The following NEK6 variants were observed in gnomAD, a reference collection of about 807,000 sequenced individuals.
The protein encoded by NEK6 is serine/threonine-protein kinase Nek6.
A neutral mutation model predicts 43.5 loss-of-function variants in NEK6; 27 were observed. The ratio of observed to expected loss-of-function variants is 0.62; its 90% CI spans 0.46 to 0.86. The LOEUF (loss-of-function observed/expected upper bound fraction) is 0.86. Among genes scored for constraint, NEK6 ranks in the 40% least tolerant of loss-of-function variants. NEK6 has a pLI of 0.00. For missense variants in NEK6, 318 were observed against 414.4 expected, an observed-to-expected ratio of 0.77 and a Z score of 2.02; for synonymous variants, 167 against 164.1, an observed-to-expected ratio of 1.02 and a Z score of -0.14.
intron 8 of NEK6, among the ~76,000 whole-genome samples, chr9:124,339,955 C>T (rs1829508571): frequency 6.6e-6 from 1 of 152,212 alleles, no homozygotes; most frequent in Admixed American, 6.5e-5. Context: ...GCTGCCCCTG[C>T]CCCCGTCGCC....
At chr9:124,289,010 C>G (rs1439241806) in intron 1 of NEK6, among the ~76,000 whole-genome samples, 1 of 151,964 alleles carries the variant, frequency 6.6e-6, no homozygotes, top group African/African-American at 2.4e-5. Context: ...GAAAGAGGGT[C>G]TTGCTCTTTC....
Position 124,351,362 on chromosome 9 carries a change from C to A in NEK6, c.*415C>A. 1 of 173,172 alleles carries A rather than the reference C, an allele frequency of 5.8e-6. No individual in the cohort carries two copies. The highest frequency in any genetic ancestry group is 1.2e-5 in the Non-Finnish European group (1 of 81,198). The allele number at this position is 173,172 out of a possible 1,614,324, so 10.7% of individuals were successfully genotyped here. On this transcript the variant is annotated 3_prime_UTR_variant, in exon 10 of 10. Transcript: ENST00000320246. ...GTGAGCCTTTGAAAATGGTTAGTAC[C>A]GGGTTCAGTTTAGTTCTTAGTATCT...
Position 124,326,212 on chromosome 9 carries a change from C to CCCCCCCCCCCCCCCCCCCCCCT in NEK6, c.406-117_406-116insCCCCCCCCCCCCCCCCCCCCTC. 2 of 190,358 alleles carry CCCCCCCCCCCCCCCCCCCCCCT rather than the reference C, an allele frequency of 1.1e-5. No homozygotes were observed. The highest frequency in any genetic ancestry group is 2.6e-5 in the Non-Finnish European group (2 of 76,842). 11.8% of individuals were successfully genotyped at this position (190,358 alleles called of 1,614,324 possible). A position where few individuals can be genotyped will look rare whatever the true frequency, so the allele number is the denominator to read the frequency against. ...TGCTCAGTGGCTCAATCCCCCCCCC[C>CCCCCCCCCCCCCCCCCCCCCCT]CGCCCCTGCCAGGCACCAGTTACCC... On this transcript the variant is annotated intron_variant, in intron 5 of 9. Coordinates refer to ENST00000320246, the MANE Select transcript of NEK6 (RefSeq NM_014397.6). This position sits in a 1 kb window ranked among gnomAD's most constrained non-coding sequence, Gnocchi z 4.5.
intron 1 of NEK6, chr9:124,293,037 G>T (rs945403869): frequency 2.7e-6 from 4 of 1,482,810 alleles, no homozygotes; most frequent in African/African-American, 2.8e-5. Flanking sequence ...CATTTCCCAG[G>T]CAGGCAGGGG....
rs190188071 is a variant in NEK6 at position 124,314,598 on chromosome 9, C to A, written c.294+613C>A. 1.4e-4 allele frequency among the ~76,000 whole-genome samples: 22 copies of A among 152,156 alleles called. No homozygotes were observed. The East Asian group carries it at 2.9e-3, about 20-fold the overall frequency. ...CTCAAACTCCTGGGCTCAAGCAATC[C>A]TCCCGCCTCAGTCTCCCGAGTAGCT... On this transcript the variant is annotated intron_variant, in intron 4 of 9. Transcript: ENST00000320246.
intron 1 of NEK6, among the ~76,000 whole-genome samples, chr9:124,268,582 T>C (rs1056363014): frequency 6.6e-5 from 10 of 152,214 alleles, no homozygotes; most frequent in African/African-American, 2.2e-4. Flanking sequence ...TCTTTAGTCC[T>C]GGCTCTCTCT....
intron 1 of NEK6, among the ~76,000 whole-genome samples, chr9:124,260,723 T>C (rs1425874117): frequency 6.6e-6 from 1 of 152,202 alleles, no homozygotes; most frequent in Non-Finnish European, 1.5e-5. Context: ...ACTGAGGATA[T>C]ACTGTGTGCT....
chr9:124,339,781 C>T (rs1829499135), intron 8 of NEK6, 116 bp downstream of exon 8: 4 of 761,764 alleles, frequency 5.3e-6, no homozygotes, highest in Non-Finnish European at 9.2e-6. Flanking sequence ...TCACGTCTGC[C>T]TGAGGCATCG....
intron 1 of NEK6, among the ~76,000 whole-genome samples, chr9:124,279,948 T>A (rs1831822402): frequency 2.6e-5 from 4 of 152,248 alleles, no homozygotes; most frequent in Admixed American, 2.6e-4. Context: ...CACAAGCTTC[T>A]CAAGAAATGC....
chr9:124,282,901 C>T (rs1831985258), intron 1 of NEK6, among the ~76,000 whole-genome samples: 1 of 152,150 alleles, frequency 6.6e-6, no homozygotes, highest in South Asian at 2.1e-4. Context: ...GAGAGCGGCC[C>T]CTCCCAGTAA....
intron 1 of NEK6, among the ~76,000 whole-genome samples, chr9:124,271,514 G>A (rs1039112196): frequency 2.6e-5 from 4 of 152,228 alleles, no homozygotes; most frequent in African/African-American, 4.8e-5. Context: ...TGTTGCCTTC[G>A]TTAATCCTCG....
At chr9:124,282,781 C>T (rs1831977884) in intron 1 of NEK6, among the ~76,000 whole-genome samples, 1 of 152,238 alleles carries the variant, frequency 6.6e-6, no homozygotes, top group African/African-American at 2.4e-5. Context: ...TTTTTAAAAA[C>T]AGGCTTGCAG....
intron 1 of NEK6, chr9:124,265,942 G>C (rs191206987): frequency 6.6e-6 from 1 of 152,272 alleles, no homozygotes; most frequent in Non-Finnish European, 1.5e-5. Context: ...ACCTGGTGGG[G>C]ACAGAGGCTG....
At position 124,312,593 on chromosome 9, in the gene NEK6, G is replaced by T; in HGVS notation, c.175G>T (p.Val59Leu). Residue 59 changes from valine (V) to leucine (L), a missense_variant, in exon 3 of 10, where the codon GTG (valine) becomes TTG (leucine). Around this residue, in one of 2 missense-constraint regions of NEK6, gnomAD observed 239 missense variants for 344.4 expected, o/e 0.69. Coordinates refer to ENST00000320246, the MANE Select transcript of NEK6 (RefSeq NM_014397.6). ...KKIGRGQFSE[V>L]YKATCLLDRK... Reference sequence around the variant, plus strand: ...GATAGGCCGAGGACAGTTCAGCGAGGTGTACAAGGCCACCTGCCTGCTGGA... The same window carrying T: ...GATAGGCCGAGGACAGTTCAGCGAGTTGTACAAGGCCACCTGCCTGCTGGA... 1 of 1,614,200 alleles carries T rather than the reference G, an allele frequency of 6.2e-7. No homozygotes were observed. The highest frequency in any genetic ancestry group is 8.5e-7 in the Non-Finnish European group (1 of 1,180,020).
At chr9:124,266,632 G>A (rs1406461808) in intron 1 of NEK6, among the ~76,000 whole-genome samples, 1 of 152,224 alleles carries the variant, frequency 6.6e-6, no homozygotes, top group Non-Finnish European at 1.5e-5. Flanking sequence ...ATGCACTCTA[G>A]AAGGGGATGG....
chr9:124,330,301 A>G (rs943811209), intron 7 of NEK6, among the ~76,000 whole-genome samples: 3 of 152,240 alleles, frequency 2.0e-5, no homozygotes, highest in Non-Finnish European at 4.4e-5. Context: ...AAATTAAGTG[A>G]CAGTACACGC....
At chr9:124,271,727 C>A (rs1299413084) in intron 1 of NEK6, among the ~76,000 whole-genome samples, 1 of 152,270 alleles carries the variant, frequency 6.6e-6, no homozygotes, top group Non-Finnish European at 1.5e-5. Flanking sequence ...GGCCTCTTGC[C>A]CCCACCGTCT....
chr9:124,258,155 C>A, intron 1 of NEK6, 70 bp downstream of exon 1: 1 of 975,650 alleles, frequency 1.0e-6, no homozygotes, highest in Non-Finnish European at 1.2e-6. Context: ...GGCCGGGCGG[C>A]GGGGCCGTCA....
Position 124,347,802 on chromosome 9 carries a change from G to C in NEK6, c.811G>C (p.Gly271Arg), listed in dbSNP as rs779084313. Reference sequence around the variant, plus strand: ...GCAGTGTGACTACCCCCCACTCCCCGGGGAGCACTACTCCGAGAAGGTGAG... The same window carrying C: ...GCAGTGTGACTACCCCCCACTCCCCCGGGAGCACTACTCCGAGAAGGTGAG... ...IEQCDYPPLP[G>R]EHYSEKLREL... The change falls in exon 9 of 10, where the codon GGG becomes CGG. Residue 271 changes from glycine to arginine, a missense_variant. Around this residue, in one of 2 missense-constraint regions of NEK6, gnomAD observed 79 missense variants for 70.0 expected, o/e 1.13. Coordinates refer to ENST00000320246, the MANE Select transcript of NEK6 (RefSeq NM_014397.6). 1.2e-6 allele frequency: 2 copies of C among 1,611,178 alleles called. No homozygotes were observed. The highest frequency in any genetic ancestry group is 8.5e-7 in the Non-Finnish European group (1 of 1,178,016).
Sources: allele counts gnomAD v4.1 joint callset (sites outside exome capture counted in the v4.1 genomes callset), GRCh38; gene constraint gnomAD v4.1.1; regional missense constraint gnomAD v4.1.1; non-coding constraint Gnocchi (gnomAD v3.1); transcripts MANE v1.5; gene names NCBI Gene and HGNC (gene_info 2026-07-23, HGNC 2026-07-21).